CABIN1: variants seen among roughly 807,000 people sequenced by gnomAD.
CABIN1 encodes the protein calcineurin-binding protein cabin-1.
Under a neutral mutation model 227.7 loss-of-function variants are expected in CABIN1, and 133 were observed. The observed-to-expected ratio is 0.58, with a 90% CI of 0.51 to 0.67. CABIN1 has a LOEUF of 0.67. Ranked by LOEUF, CABIN1 falls within the 30% of genes least tolerant of loss-of-function variation. The pLI is 0.00. For synonymous variants in CABIN1, 1,086 were observed against 1,155.1 expected (o/e 0.94, Z 1.21); for missense variants, 2,408 against 2,852.5 (o/e 0.84, Z 3.55).
At chr22:24,170,148 G>A (rs771034982) in intron 33 of CABIN1, 5 of 458,820 alleles carry the variant, frequency 1.1e-5, no homozygotes, top group East Asian at 6.8e-5. Flanking sequence ...CGGTGGGGGC[G>A]CCTTGGTATC....
chr22:24,043,747 G>A (rs890822257), intron 6 of CABIN1, among the ~76,000 whole-genome samples: 3 of 152,138 alleles, frequency 2.0e-5, no homozygotes. Context: ...GTGAGACCCT[G>A]TCTCAAAAAC....
chr22:24,056,251 G>T lies in CABIN1; in HGVS notation c.1153G>T (p.Glu385Ter). ...GGTAAAACGGAAGAAGATTTCAGAAGAGAGTGGAGAAACAGCAAAGCGGCG... is the reference window on the plus strand; with the variant it reads ...GGTAAAACGGAAGAAGATTTCAGAATAGAGTGGAGAAACAGCAAAGCGGCG... Reference protein sequence around the residue: ...KGVKRKKISEESGETAKRRSA... With the variant: ...KGVKRKKISE Residue 385 changes from glutamate (E) to a stop codon, truncating the protein, a stop_gained, in exon 10 of 37, where the codon GAG becomes TAG. Coordinates refer to ENST00000263119, the MANE Select transcript of CABIN1 (RefSeq NM_012295.4). LOFTEE classifies it high-confidence loss of function. The T allele has an allele frequency of 1.2e-6, 2 of 1,614,072 alleles. No homozygotes were observed. Among genetic ancestry groups the T allele is most frequent in the East Asian group, 2.2e-5 (1 of 44,888 alleles).
chr22:24,072,234 C>T, intron 17 of CABIN1, 120 bp from the exon 18 acceptor site: 2 of 805,666 alleles, frequency 2.5e-6, no homozygotes, highest in South Asian at 1.8e-5. Flanking sequence ...CACATCTGAG[C>T]AGTGGGGGTG....
At chr22:24,066,042 T>TAGGGAG (rs1342807896) in intron 15 of CABIN1, among the ~76,000 whole-genome samples, 14 of 150,408 alleles carry the variant, frequency 9.3e-5, no homozygotes, top group East Asian at 7.7e-4. Context: ...AGGGAGACCG[T>TAGGGAG]AGGGAGAGGG....
intron 28 of CABIN1, among the ~76,000 whole-genome samples, chr22:24,122,010 A>G (rs1007988443): frequency 1.3e-5 from 2 of 152,248 alleles, no homozygotes; most frequent in African/African-American, 4.8e-5. Context: ...GGGGAAGGAC[A>G]GCAGGTTTGG....
At chr22:24,138,050 C>G (rs1482394734) in intron 29 of CABIN1, among the ~76,000 whole-genome samples, 1 of 152,252 alleles carries the variant, frequency 6.6e-6, no homozygotes, top group Non-Finnish European at 1.5e-5. Flanking sequence ...TCTCAACCCA[C>G]TGTCCTGGGC....
intron 14 of CABIN1, 92 bp downstream of exon 14, chr22:24,063,238 G>A (rs2039329959): frequency 1.5e-5 from 6 of 410,426 alleles, no homozygotes; most frequent in Non-Finnish European, 2.3e-5. Flanking sequence ...GTGTGTGTAT[G>A]TGTGTGTGTG....
At position 24,119,002 on chromosome 22, in the gene CABIN1, G is replaced by T. The variant is rs928676588; in HGVS notation, c.4301-365G>T. Among the ~76,000 whole-genome samples the T allele has an allele frequency of 2.0e-5, 3 of 152,240 alleles. No homozygotes were observed. The South Asian group carries it at 6.2e-4, about 31-fold the overall frequency. On this transcript the variant is annotated intron_variant, in intron 27 of 36. Coordinates refer to ENST00000263119, the MANE Select transcript of CABIN1 (RefSeq NM_012295.4). Reference sequence around the variant, plus strand: ...GGCTGTGTTTTATGCGATGCTGGTGGTGGCAACACCTGCCCTTTGTGGGCT... The same window carrying T: ...GGCTGTGTTTTATGCGATGCTGGTGTTGGCAACACCTGCCCTTTGTGGGCT...
At chr22:24,110,224 A>C (rs1427235434) in intron 26 of CABIN1, among the ~76,000 whole-genome samples, 1 of 152,160 alleles carries the variant, frequency 6.6e-6, no homozygotes, top group African/African-American at 2.4e-5. Context: ...TTATAGTATC[A>C]TTTTTTTAAA....
chr22:24,102,100 G>T (rs2042239319), intron 26 of CABIN1: 1 of 152,250 alleles, frequency 6.6e-6, no homozygotes, highest in Non-Finnish European at 1.5e-5. Flanking sequence ...AAGAGATACT[G>T]GGTCTGAATC....
rs1165757136 is a variant in CABIN1, at chr22:24,166,911, C to T, written c.5280C>T (p.Pro1760=). Residue 1760 remains proline, a synonymous_variant, in exon 32 of 37, where the codon CCC becomes CCT. Coordinates refer to ENST00000263119, the MANE Select transcript of CABIN1 (RefSeq NM_012295.4). The part of the protein sequence containing the change: ...KESPRAGPTE[P]MDTSEATVCH... ...GCCCACGGGCAGGGCCCACTGAGCC[C>T]ATGGACACGAGTGAGGCCACTGTTT... 1.2e-6 allele frequency: 2 copies of T among 1,607,560 alleles called. No homozygotes were observed. The highest frequency in any genetic ancestry group is 2.2e-5 in the East Asian group (1 of 44,572).
intron 33 of CABIN1, 71 bp downstream of exon 33, chr22:24,168,592 G>A (rs1321570040): frequency 4.9e-6 from 6 of 1,224,850 alleles, no homozygotes; most frequent in Non-Finnish European, 7.1e-6. Flanking sequence ...TAGGATGCAG[G>A]CTGAGAAGCA....
At chr22:24,019,135 T>G (rs889908889) in intron 1 of CABIN1, among the ~76,000 whole-genome samples, 2 of 133,290 alleles carry the variant, frequency 1.5e-5, no homozygotes, top group African/African-American at 2.8e-5. Context: ...TTTTTTTTTT[T>G]TTTTTTTTTT....
chr22:24,085,433 G>A (rs576341344), intron 22 of CABIN1, among the ~76,000 whole-genome samples: 44 of 152,364 alleles, frequency 2.9e-4, no homozygotes, highest in Admixed American at 1.2e-3. Flanking sequence ...GGACCCTGGT[G>A]TGCAGGGCAA....
intron 8 of CABIN1, among the ~76,000 whole-genome samples, chr22:24,053,179 G>T (rs1327973481): frequency 6.7e-6 from 1 of 148,932 alleles, no homozygotes; most frequent in South Asian, 2.1e-4. Flanking sequence ...CTGGGTTCAC[G>T]CCATTCTTCT....
Position 24,063,013 on chromosome 22 carries a change from T to TC in CABIN1, c.1754dup (p.Gly586ArgfsTer7). On this transcript the variant is annotated frameshift_variant, in exon 14 of 37. Coordinates refer to ENST00000263119, the MANE Select transcript of CABIN1 (RefSeq NM_012295.4). LOFTEE classifies it high-confidence loss of function. Reference sequence around the variant, plus strand: ...GTGAATGGCAGATTTGGACCTGACTTCCCAGGGACCCACTGCCTGGGTGAC... The same window carrying TC: ...GTGAATGGCAGATTTGGACCTGACTTCCCCAGGGACCCACTGCCTGGGTGAC... 5.6e-6 allele frequency: 9 copies of TC among 1,614,206 alleles called. No individual in the cohort carries two copies. Among genetic ancestry groups the TC allele is most frequent in the Non-Finnish European group, 7.6e-6 (9 of 1,180,016 alleles).
intron 8 of CABIN1, 100 bp downstream of exon 8, chr22:24,051,074 G>A: frequency 6.6e-7 from 1 of 1,512,388 alleles, no homozygotes; most frequent in Non-Finnish European, 9.1e-7. Context: ...GCTTGATCCT[G>A]GGTTGGTGGT....
At chr22:24,047,917 T>A (rs563747153) in intron 6 of CABIN1, among the ~76,000 whole-genome samples, 122 of 152,378 alleles carry the variant, frequency 8.0e-4, no homozygotes, top group Non-Finnish European at 1.4e-3. Context: ...TGTTTCTCTG[T>A]GTGTTCACTG....
chr22:24,028,402 C>T (rs2146762458), intron 1 of CABIN1, among the ~76,000 whole-genome samples: 1 of 152,318 alleles, frequency 6.6e-6, no homozygotes, highest in East Asian at 1.9e-4. Flanking sequence ...GTGCTACAGT[C>T]CATGGTGTTA....
Sources: allele counts gnomAD v4.1 joint callset (sites outside exome capture counted in the v4.1 genomes callset), GRCh38; gene constraint gnomAD v4.1.1; transcripts MANE v1.5; gene names NCBI Gene and HGNC (gene_info 2026-07-23, HGNC 2026-07-21).